Variants in RSRC2 observed in about 807,000 individuals in gnomAD.
The protein encoded by RSRC2 is arginine and serine rich coiled-coil 2, also known as arginine/serine-rich coiled-coil protein 2.
In RSRC2, 5 loss-of-function variants were observed where a neutral mutation model predicts 61.3. The ratio of observed to expected loss-of-function variants is 0.08; its 90% CI spans 0.04 to 0.17. The LOEUF is 0.17. Ranked by LOEUF, RSRC2 falls within the 10% of genes least tolerant of loss-of-function variation. RSRC2 has a pLI of 1.00. For synonymous variants in RSRC2, 202 were observed against 166.5 expected (o/e 1.21, Z -1.64); for missense variants, 381 against 518.8 (o/e 0.73, Z 2.58).
At chr12:122,512,915 T>C (rs1231773133) in intron 6 of RSRC2, among the ~76,000 whole-genome samples, 2 of 151,970 alleles carry the variant, frequency 1.3e-5, no homozygotes, top group Non-Finnish European at 2.9e-5. Context: ...GTCGCAGGCT[T>C]GGCAAGGTGG....
At chr12:122,519,076 G>A (rs1362228388) in intron 3 of RSRC2, 47 bp from the exon 4 acceptor site, 1 of 1,533,340 alleles carries the variant, frequency 6.5e-7, no homozygotes, top group East Asian at 2.2e-5. Context: ...GTGCAACAAA[G>A]AGAGTTAGTA....
At chr12:122,515,521 C>T (rs1210957939) in intron 5 of RSRC2, among the ~76,000 whole-genome samples, 1 of 152,194 alleles carries the variant, frequency 6.6e-6, no homozygotes, top group East Asian at 1.9e-4. Flanking sequence ...CCCACCGCAT[C>T]TGGCTGTTTC....
At chr12:122,510,071 C>T (rs1958383019) in intron 7 of RSRC2, among the ~76,000 whole-genome samples, 1 of 152,190 alleles carries the variant, frequency 6.6e-6, no homozygotes, top group Non-Finnish European at 1.5e-5. Flanking sequence ...ACCCACCTGC[C>T]TTGGCCTCCC....
chr12:122,513,065 C>T (rs1282231122), intron 6 of RSRC2, among the ~76,000 whole-genome samples: 2 of 151,628 alleles, frequency 1.3e-5, no homozygotes, highest in Admixed American at 6.6e-5. Context: ...TGTGGTGATG[C>T]GCATCAGTAA....
intron 8 of RSRC2, 69 bp from the exon 9 acceptor site, chr12:122,506,992 C>T (rs539880368): frequency 2.4e-6 from 2 of 820,522 alleles, no homozygotes; most frequent in Admixed American, 2.2e-5. Context: ...AATCTCTCAA[C>T]AATGTCTAAA....
At chr12:122,510,503 T>C (rs1394985469) in intron 7 of RSRC2, among the ~76,000 whole-genome samples, 1 of 151,762 alleles carries the variant, frequency 6.6e-6, no homozygotes, top group African/African-American at 2.4e-5. Context: ...CACTCCAGCC[T>C]GGGCGATGGA....
At chr12:122,518,277 G>C (rs995315816) in intron 4 of RSRC2, among the ~76,000 whole-genome samples, 1 of 151,956 alleles carries the variant, frequency 6.6e-6, no homozygotes, top group African/African-American at 2.4e-5. Flanking sequence ...TCTAGTTAGG[G>C]CAACAGAGAG....
At chr12:122,514,565 C>T (rs755708275) in intron 6 of RSRC2, 4 of 1,032,270 alleles carry the variant, frequency 3.9e-6, no homozygotes, top group African/African-American at 3.7e-5. Context: ...TGCACCCGGC[C>T]GAAACAGCAG....
At chr12:122,513,835 G>A (rs1958708095) in intron 6 of RSRC2, 2 of 985,042 alleles carry the variant, frequency 2.0e-6, no homozygotes, top group Non-Finnish European at 2.4e-6. Flanking sequence ...AGGTTACACT[G>A]TGTTACCAGC....
In RSRC2 at chr12:122,518,859, T is replaced by G. The variant is rs1472019842; in HGVS notation, c.378A>C (p.Ser126=). The G allele has an allele frequency of 3.1e-6, 5 of 1,613,980 alleles. No individual in the cohort carries two copies. Among genetic ancestry groups the G allele is most frequent in the Non-Finnish European group, 4.2e-6 (5 of 1,179,846 alleles). The part of the protein sequence containing the change: ...ERKSSRGRSH[S]RSRSRERRHR... ...CTTACCTTTCACGAGACCTAGATCT[T>G]GAGTGACTTCTGCCTCTTGATGACT... is the stretch of plus-strand genomic sequence containing the variant. The change falls in exon 4 of 10, where the codon TCA becomes TCC. Residue 126 remains serine (S), a synonymous_variant. Transcript: ENST00000331738.
chr12:122,526,917 C>G lies in RSRC2; in HGVS notation c.-64G>C, dbSNP rs1166990174. The G allele has an allele frequency of 8.1e-6, 13 of 1,601,312 alleles. No homozygotes were observed. The highest frequency in any genetic ancestry group is 4.0e-5 in the African/African-American group (3 of 74,594). On this transcript the variant is annotated 5_prime_UTR_variant, in exon 1 of 10. Coordinates refer to ENST00000331738, the MANE Select transcript of RSRC2 (RefSeq NM_023012.6). ...GTCGCTTTCAACAGTACCGGCCGCT[C>G]CGAAGCTTCGCCTCAGACTAAATCG...
chr12:122,514,579 A>AT (rs1017743976), intron 6 of RSRC2: 36 of 1,040,050 alleles, frequency 3.5e-5, no homozygotes, highest in South Asian at 3.2e-4. Flanking sequence ...ACAGCAGAAA[A>AT]TTAAAAAAAA....
chr12:122,522,177 T>C lies in RSRC2; in HGVS notation c.129A>G (p.Ser43=). The change falls in exon 2 of 10, where the codon TCA becomes TCG. Residue 43 remains serine, a synonymous_variant. Coordinates refer to ENST00000331738, the MANE Select transcript of RSRC2 (RefSeq NM_023012.6). ...PRASKHHYSR[S]RSRSRERKRK... ...GTTTTCTTTCTCTTGACCTTGATCG[T>C]GATCTTGAATAATGATGTTTTGAAG... The C allele has an allele frequency of 1.9e-6, 3 of 1,612,842 alleles. No individual in the cohort carries two copies. The highest frequency in any genetic ancestry group is 2.5e-6 in the Non-Finnish European group (3 of 1,179,612).
At chr12:122,514,461 C>G (rs950915018) in intron 6 of RSRC2, 3 of 305,654 alleles carry the variant, frequency 9.8e-6, no homozygotes, top group Non-Finnish European at 1.4e-5. Flanking sequence ...GATGGGGTTT[C>G]ACCATGTTGG....
At chr12:122,524,384 CACG>C (rs1268824154) in intron 1 of RSRC2, among the ~76,000 whole-genome samples, 1 of 152,166 alleles carries the variant, frequency 6.6e-6, no homozygotes, top group Admixed American at 6.5e-5. Flanking sequence ...CTCTCAGTTG[CACG>C]ACACTTTTGC....
chr12:122,519,435 GA>G (rs1959161812), intron 3 of RSRC2: 1 of 161,750 alleles, frequency 6.2e-6, no homozygotes, highest in Admixed American at 6.0e-5. Flanking sequence ...AAGTGCACCA[GA>G]AACGCATTTC....
intron 1 of RSRC2, among the ~76,000 whole-genome samples, chr12:122,524,374 C>T (rs1461239292): frequency 6.6e-6 from 1 of 152,164 alleles, no homozygotes; most frequent in Non-Finnish European, 1.5e-5. Flanking sequence ...GCTATTACTT[C>T]TCTCAGTTGC....
chr12:122,521,011 T>C, intron 3 of RSRC2: 2 of 230,514 alleles, frequency 8.7e-6, no homozygotes, highest in South Asian at 1.2e-4. Flanking sequence ...CGCACAGATA[T>C]CTAGGGTATT....
intron 6 of RSRC2, among the ~76,000 whole-genome samples, chr12:122,511,777 T>C (rs1488384181): frequency 1.3e-5 from 2 of 152,094 alleles, no homozygotes; most frequent in South Asian, 2.1e-4. Context: ...ACAAAGGAAC[T>C]AGTAACATGA....
Sources: gnomAD v4.1 joint callset for allele counts (sites outside exome capture counted in the v4.1 genomes callset) on GRCh38, gnomAD v4.1.1 for gene constraint, MANE v1.5 for transcripts, NCBI Gene and HGNC (gene_info 2026-07-23, HGNC 2026-07-21) for gene names.